PSMF1: variants seen among roughly 807,000 people sequenced by gnomAD.
The protein encoded by PSMF1 is proteasome inhibitor subunit 1.
PSMF1 carries 30 observed loss-of-function variants against 29.3 expected under a neutral mutation model. The ratio of observed to expected loss-of-function variants is 1.02; its 90% CI spans 0.77 to 1.39. PSMF1 has a LOEUF of 1.39. PSMF1 is among the 40% of genes most tolerant of loss of function. PSMF1 has a pLI of 0.00. For missense variants in PSMF1, 344 were observed against 357.5 expected (o/e 0.96, Z 0.31); for synonymous variants, 134 against 139.7 (o/e 0.96, Z 0.29).
chr20:1,146,640 C>T (rs1417147282), intron 4 of PSMF1, among the ~76,000 whole-genome samples: 2 of 150,408 alleles, frequency 1.3e-5, no homozygotes, highest in African/African-American at 4.8e-5. Flanking sequence ...CTTCCCTGCC[C>T]CACCTCTCCC....
intron 1 of PSMF1, among the ~76,000 whole-genome samples, chr20:1,124,817 GAAGCTATATTTTT>G (rs2086133792): frequency 6.6e-6 from 1 of 152,178 alleles, no homozygotes; most frequent in Non-Finnish European, 1.5e-5. Context: ...AAAAACATTT[GAAGCTATATTTTT>G]ATGGTTGCAT....
At position 1,149,172 on chromosome 20, in the gene PSMF1, G is replaced by GA. The variant is rs948352797; in HGVS notation, c.551+13873dup. ...GAAGCCTTTCACATATCAGTTGTTG[G>GA]AAAAAAAGAGGACTAGTTTAATAAC... On this transcript the variant is annotated intron_variant, in intron 4 of 6. Coordinates refer to ENST00000335877, the MANE Select transcript of PSMF1 (RefSeq NM_006814.5). 2.1e-4 allele frequency among the ~76,000 whole-genome samples: 32 copies of GA among 152,150 alleles called. 1 individual carries two copies. In the South Asian group the frequency reaches 6.4e-3, roughly 31 times the overall value.
At chr20:1,135,675 AG>A (rs1042568998) in intron 4 of PSMF1, among the ~76,000 whole-genome samples, 2 of 152,228 alleles carry the variant, frequency 1.3e-5, no homozygotes, top group African/African-American at 4.8e-5. Flanking sequence ...GCCCTGGGCC[AG>A]TCTTTCTGAG....
rs1020222639 is a variant in PSMF1 at position 1,155,815 on chromosome 20, T to C, written c.552-7315T>C. Among the ~76,000 whole-genome samples the C allele has an allele frequency of 2.6e-5, 4 of 152,246 alleles. No individual in the cohort carries two copies. The East Asian group carries it at 7.7e-4, about 29-fold the overall frequency. On this transcript the variant is annotated intron_variant, in intron 4 of 6. Coordinates refer to ENST00000335877, the MANE Select transcript of PSMF1 (RefSeq NM_006814.5). ...AACTTGGAGCCCAAACTTAACTAGG[T>C]TGATTGCCTGCTAAAACAAAAATAT...
rs2086755242 is a variant in PSMF1 at position 1,168,273 on chromosome 20, G to T, written c.*3193G>T. The T allele has an allele frequency of 6.6e-6, 1 of 152,242 alleles. No individual in the cohort carries two copies. Among genetic ancestry groups the T allele is most frequent in the South Asian group, 2.1e-4 (1 of 4,832 alleles). 9.4% of individuals were successfully genotyped at this position (152,242 alleles called of 1,614,324 possible). ...TTTTGTCTCTAGAGAAAGTTCTCATGACCTTCAGGTCTAATGAGATTCAGA... is the reference window on the plus strand; with the variant it reads ...TTTTGTCTCTAGAGAAAGTTCTCATTACCTTCAGGTCTAATGAGATTCAGA... On this transcript the variant is annotated 3_prime_UTR_variant, in exon 7 of 7. Transcript: ENST00000335877.
upstream of PSMF1, among the ~76,000 whole-genome samples, chr20:1,116,687 CT>C (rs2122419125): frequency 6.6e-6 from 1 of 152,198 alleles, no homozygotes; most frequent in South Asian, 2.1e-4. Flanking sequence ...CTCCCTGTTC[CT>C]TTGTCACAGT....
At chr20:1,160,684 C>CA in intron 4 of PSMF1, 1 of 496,772 alleles carries the variant, frequency 2.0e-6, no homozygotes, top group Non-Finnish European at 4.1e-6. Flanking sequence ...TTTCCCTCCA[C>CA]TGTCAGGTGC....
intron 2 of PSMF1, among the ~76,000 whole-genome samples, chr20:1,126,834 G>A (rs531128749): frequency 2.3e-4 from 35 of 152,260 alleles, no homozygotes; most frequent in African/African-American, 6.7e-4. Flanking sequence ...AGCTGAGATC[G>A]TGCCACTGAA....
rs898722322 is a variant in PSMF1 at position 1,165,407 on chromosome 20, T to C, written c.*327T>C. 10 of 1,210,588 alleles carry C rather than the reference T, an allele frequency of 8.3e-6. No individual in the cohort carries two copies. The African/African-American group carries it at 1.5e-4, about 19-fold the overall frequency. The allele number at this position is 1,210,588 out of a possible 1,614,324, so 75.0% of individuals were successfully genotyped here. On this transcript the variant is annotated 3_prime_UTR_variant, in exon 7 of 7. Transcript: ENST00000335877. Reference sequence around the variant, plus strand: ...ATATCCTCGACCAGATGCAGTGCTATAAGAACAGAACGCATTTTGGATGTT... The same window carrying C: ...ATATCCTCGACCAGATGCAGTGCTACAAGAACAGAACGCATTTTGGATGTT...
At chr20:1,127,757 A>T (rs945698163) in intron 3 of PSMF1, among the ~76,000 whole-genome samples, 6 of 152,210 alleles carry the variant, frequency 3.9e-5, no homozygotes, top group Non-Finnish European at 7.3e-5. Flanking sequence ...TGCAGAGTAG[A>T]GGTGGAGCCC....
intron 3 of PSMF1, 148 bp from the exon 4 acceptor site, chr20:1,134,973 A>G (rs1320786065): frequency 3.9e-6 from 3 of 769,494 alleles, no homozygotes; most frequent in Non-Finnish European, 2.2e-6. Context: ...CAGGTCCAGC[A>G]GGCGGCCTGT....
chr20:1,134,890 A>G, intron 3 of PSMF1: 1 of 616,470 alleles, frequency 1.6e-6, no homozygotes, highest in Non-Finnish European at 2.9e-6. Flanking sequence ...GTAAACAAGG[A>G]GGGGCAACTC....
At position 1,167,699 on chromosome 20, in the gene PSMF1, T is replaced by C. The variant is rs546110189; in HGVS notation, c.*2619T>C. On this transcript the variant is annotated 3_prime_UTR_variant, in exon 7 of 7. Coordinates refer to ENST00000335877, the MANE Select transcript of PSMF1 (RefSeq NM_006814.5). ...AGCATGTATCCATGGTATGGATATA[T>C]CACATTTTGCTTATCCTTTTATCAG... The C allele has an allele frequency of 7.2e-5, 11 of 152,354 alleles. No homozygotes were observed. In the South Asian group the frequency reaches 2.3e-3, roughly 32 times the overall value. The allele number at this position is 152,354 out of a possible 1,614,324, so 9.4% of individuals were successfully genotyped here.
At chr20:1,124,197 T>C (rs766460520) in intron 1 of PSMF1, among the ~76,000 whole-genome samples, 2 of 152,222 alleles carry the variant, frequency 1.3e-5, no homozygotes, top group Non-Finnish European at 2.9e-5. Context: ...ATGGATCTTG[T>C]TTAAGAAATC....
rs747340538 is a variant in PSMF1, at chr20:1,168,953, T to C, written c.*3873T>C. Among the ~76,000 whole-genome samples, 2 of 152,186 alleles carry C rather than the reference T, an allele frequency of 1.3e-5. No homozygotes were observed. Among genetic ancestry groups the C allele is most frequent in the Non-Finnish European group, 2.9e-5 (2 of 68,034 alleles). ...TTGACTTTTTGCACCAAAGGAGATA[T>C]TCAAGGACAGACATCCAAGTCCCCA... On this transcript the variant is annotated 3_prime_UTR_variant, in exon 7 of 7. Coordinates refer to ENST00000335877, the MANE Select transcript of PSMF1 (RefSeq NM_006814.5).
rs570372585 is a variant in PSMF1 at position 1,142,050 on chromosome 20, C to T, written c.551+6744C>T. On this transcript the variant is annotated intron_variant, in intron 4 of 6. Transcript: ENST00000335877. ...CTGGCCAACCAACATGGTGAAACCC[C>T]GTCTCTACTAAAAATAGAAAAATTA... 3.9e-5 allele frequency among the ~76,000 whole-genome samples: 6 copies of T among 152,136 alleles called. No individual in the cohort carries two copies. In the South Asian group the frequency reaches 6.2e-4, roughly 16 times the overall value.
At chr20:1,119,881 C>A (rs1291831159) in intron 1 of PSMF1, among the ~76,000 whole-genome samples, 3 of 152,182 alleles carry the variant, frequency 2.0e-5, no homozygotes. Context: ...AACAGACCAC[C>A]CCACCTATTG....
intron 4 of PSMF1, among the ~76,000 whole-genome samples, chr20:1,138,829 A>ACAAAAAAAAAAAACAAAAC (rs2086342841): frequency 8.3e-6 from 1 of 120,814 alleles, no homozygotes; most frequent in Non-Finnish European, 1.9e-5. Flanking sequence ...TGTCTCAAAA[A>ACAAAAAAAAAAAACAAAAC]CAAACAAAAA....
rs1017137905 is a variant in PSMF1, at chr20:1,171,500, A to G, written c.*6420A>G. The stretch of plus-strand genomic sequence containing the variant: ...GCTGTTGAGTGACTTTCCCAAGGCC[A>G]CACAGACCACAAATCCTGGCTCCAA... On this transcript the variant is annotated 3_prime_UTR_variant, in exon 7 of 7. Transcript: ENST00000335877. 3.3e-5 allele frequency among the ~76,000 whole-genome samples: 5 copies of G among 152,230 alleles called. No individual in the cohort carries two copies. Among genetic ancestry groups the G allele is most frequent in the Admixed American group, 2.6e-4 (4 of 15,288 alleles).
Sources: allele counts gnomAD v4.1 joint callset (sites outside exome capture counted in the v4.1 genomes callset), GRCh38; gene constraint gnomAD v4.1.1; transcripts MANE v1.5; gene names NCBI Gene and HGNC (gene_info 2026-07-23, HGNC 2026-07-21).